SEMA4D: variants seen among roughly 807,000 people sequenced by gnomAD.
SEMA4D encodes the protein semaphorin 4D.
SEMA4D carries 22 observed loss-of-function variants against 74.8 expected under a neutral mutation model. The observed-to-expected ratio is 0.29, with a 90% confidence interval of 0.21 to 0.42. The LOEUF is 0.42. Ranked by LOEUF, SEMA4D falls within the 10% of genes least tolerant of loss-of-function variation. The probability of loss-of-function intolerance (pLI) is 1.00; values close to 1 mark genes in which losing one functional copy is unlikely to be tolerated. For synonymous variants in SEMA4D, 445 were observed against 463.7 expected, an observed-to-expected ratio of 0.96 and a Z score of 0.52; for missense variants, 937 against 1,118.4, an observed-to-expected ratio of 0.84 and a Z score of 2.31.
Position 89,381,135 on chromosome 9 carries a change from C to G in SEMA4D, c.1620-37G>C. The G allele has an allele frequency of 6.2e-7, 1 of 1,614,172 alleles. No individual in the cohort carries two copies. Among genetic ancestry groups the G allele is most frequent in the Non-Finnish European group, 8.5e-7 (1 of 1,180,038 alleles). On this transcript the variant is annotated intron_variant, in intron 14 of 15. Coordinates refer to ENST00000422704, the MANE Select transcript of SEMA4D (RefSeq NM_001371194.2). The surrounding 1 kb of genome is among the most constrained non-coding windows in gnomAD (Gnocchi z 4.6). ...CCGGCACGTGTTATTCACCCACACACATGGGGGACATCCCCAGGCAGCGCA... is the reference window on the plus strand; with the variant it reads ...CCGGCACGTGTTATTCACCCACACAGATGGGGGACATCCCCAGGCAGCGCA...
At chr9:89,450,232 C>T (rs1854021236) in intron 2 of SEMA4D, 2 of 1,219,050 alleles carry the variant, frequency 1.6e-6, no homozygotes, top group Non-Finnish European at 1.2e-6. Flanking sequence ...GAAGTATATG[C>T]TGTGGATGTT....
rs1044425700 is a variant in SEMA4D, at chr9:89,421,679, G to A, written c.-243-15980C>T. Among the ~76,000 whole-genome samples, 3 of 152,206 alleles carry A rather than the reference G, an allele frequency of 2.0e-5. No individual in the cohort carries two copies. The East Asian group carries it at 5.8e-4, about 29-fold the overall frequency. Reference sequence around the variant, plus strand: ...CCAGAGGATGGAATACTATGCAACTGTTAAAAAGAATAAAGCTGCAATTGT... The same window carrying A: ...CCAGAGGATGGAATACTATGCAACTATTAAAAAGAATAAAGCTGCAATTGT... On this transcript the variant is annotated intron_variant, in intron 2 of 15. Transcript: ENST00000422704.
rs748376754 is a variant in SEMA4D, at chr9:89,377,897, A to AAAAAG, written c.*802_*806dup. On this transcript the variant is annotated 3_prime_UTR_variant, in exon 16 of 16. Coordinates refer to ENST00000422704, the MANE Select transcript of SEMA4D (RefSeq NM_001371194.2). ...TTCTTCGAGAGAGTAAAAGTTAAAA[A>AAAAAG]AAAAGAAAAGTAAAACGAAGTACAG... 1 of 152,322 alleles carries AAAAAG rather than the reference A, an allele frequency of 6.6e-6. No homozygotes were observed. The highest frequency in any genetic ancestry group is 1.5e-5 in the Non-Finnish European group (1 of 68,020). The allele number at this position is 152,322 out of a possible 1,614,324, so 9.4% of individuals were successfully genotyped here.
intron 2 of SEMA4D, among the ~76,000 whole-genome samples, chr9:89,415,253 A>C (rs73486105): frequency 0.062 from 9,415 of 152,152 alleles, 619 homozygotes; most frequent in African/African-American, 0.16. Flanking sequence ...ATCATCTTCC[A>C]CTGGCCTAAT....
chr9:89,421,502 G>A (rs904435758), intron 2 of SEMA4D, among the ~76,000 whole-genome samples: 3 of 152,162 alleles, frequency 2.0e-5, no homozygotes, highest in African/African-American at 7.2e-5. Context: ...ATTCAGTATG[G>A]ATATACCCCA....
chr9:89,386,642 A>G, intron 12 of SEMA4D, 160 bp from the exon 13 acceptor site: 2 of 569,944 alleles, frequency 3.5e-6, no homozygotes, highest in Non-Finnish European at 3.1e-6. Flanking sequence ...AAAAAGGAAA[A>G]GGCTTTGGCA....
intron 2 of SEMA4D, among the ~76,000 whole-genome samples, chr9:89,421,789 CCGTGTGTGTG>C (rs905460011): frequency 3.1e-4 from 47 of 151,330 alleles, no homozygotes; most frequent in African/African-American, 8.1e-4. Context: ...TGGTGTGTGA[CCGTGTGTGTG>C]CGTGTGTGTG....
chr9:89,476,767 A>G (rs1861851837), intron 1 of SEMA4D, among the ~76,000 whole-genome samples: 2 of 152,202 alleles, frequency 1.3e-5, no homozygotes, highest in South Asian at 4.1e-4. Context: ...CAAAGGTATC[A>G]CGCCAGGCTC....
At chr9:89,443,190 T>G (rs1464474324) in intron 2 of SEMA4D, among the ~76,000 whole-genome samples, 3 of 152,146 alleles carry the variant, frequency 2.0e-5, no homozygotes, top group Admixed American at 6.5e-5. Context: ...TCCCTGTCAG[T>G]GGCGGGATTA....
intron 1 of SEMA4D, among the ~76,000 whole-genome samples, chr9:89,475,364 C>A (rs772982756): frequency 5.9e-5 from 9 of 152,190 alleles, no homozygotes; most frequent in Non-Finnish European, 1.0e-4. Flanking sequence ...CCACCAGTCC[C>A]AGGAACAAAC....
intron 2 of SEMA4D, among the ~76,000 whole-genome samples, chr9:89,426,193 C>T (rs1848064237): frequency 6.6e-6 from 1 of 152,248 alleles, no homozygotes; most frequent in African/African-American, 2.4e-5. Flanking sequence ...GCGCCAGAGG[C>T]CTGCTCGTTC....
chr9:89,396,202 T>C (rs1221813765), intron 6 of SEMA4D, among the ~76,000 whole-genome samples: 1 of 152,098 alleles, frequency 6.6e-6, no homozygotes, highest in East Asian at 1.9e-4. Context: ...GTGAGCAAGC[T>C]GCACACCACA....
chr9:89,458,551 A>G (rs1404970155), intron 1 of SEMA4D, among the ~76,000 whole-genome samples: 3 of 151,938 alleles, frequency 2.0e-5, no homozygotes, highest in South Asian at 2.1e-4. Context: ...CACCCATCCA[A>G]GCAGACACAC....
At chr9:89,489,478 A>G (rs1254276920) in intron 1 of SEMA4D, among the ~76,000 whole-genome samples, 6 of 152,186 alleles carry the variant, frequency 3.9e-5, no homozygotes, top group African/African-American at 1.2e-4. Context: ...AGGAACCCCA[A>G]TGCATATTAA....
intron 16 of SEMA4D, among the ~76,000 whole-genome samples, chr9:89,372,072 TG>T (rs1368760265): frequency 2.1e-5 from 1 of 48,330 alleles, no homozygotes; most frequent in Non-Finnish European, 3.7e-5. Context: ...GTTGGGGGCG[TG>T]GTGTGTGTCG....
At chr9:89,414,128 T>C (rs1462996031) in intron 2 of SEMA4D, among the ~76,000 whole-genome samples, 1 of 152,222 alleles carries the variant, frequency 6.6e-6, no homozygotes, top group Non-Finnish European at 1.5e-5. Flanking sequence ...CACCAGTCAC[T>C]ACCACATGGA....
intron 2 of SEMA4D, among the ~76,000 whole-genome samples, chr9:89,444,395 G>A (rs1852341625): frequency 6.6e-6 from 1 of 152,156 alleles, no homozygotes. Flanking sequence ...CAGCACATGA[G>A]GGGACTCCTC....
intron 13 of SEMA4D, chr9:89,385,866 G>GGGGGGGGGGGGGGCCCCCC: frequency 3.1e-5 from 6 of 196,226 alleles, no homozygotes; most frequent in Non-Finnish European, 5.4e-5. Context: ...CAGCGTGGAT[G>GGGGGGGGGGGGGGCCCCCC]CCCGCCCACC....
At chr9:89,369,636 A>G (rs945431776) in intron 16 of SEMA4D, 4 of 152,276 alleles carry the variant, frequency 2.6e-5, no homozygotes, top group East Asian at 3.8e-4. Context: ...CAGATGCGCT[A>G]TGTGCTGGCA....
Sources: gnomAD v4.1 joint callset for allele counts (sites outside exome capture counted in the v4.1 genomes callset) on GRCh38, gnomAD v4.1.1 for gene constraint, Gnocchi (gnomAD v3.1) non-coding constraint, MANE v1.5 for transcripts, NCBI Gene and HGNC (gene_info 2026-07-23, HGNC 2026-07-21) for gene names.